Variants in PALM2AKAP2 observed in about 807,000 individuals in gnomAD.
PALM2AKAP2 encodes the protein PALM2 and AKAP2 fusion.
In PALM2AKAP2, 37 loss-of-function variants were observed where a neutral mutation model predicts 71.5. That is an observed-to-expected ratio of 0.52 (90% confidence interval 0.40 to 0.68). The LOEUF is 0.68. Among genes scored for constraint, PALM2AKAP2 ranks in the 30% least tolerant of loss-of-function variants. The pLI, the probability that PALM2AKAP2 is intolerant of heterozygous loss-of-function variation, is 0.00. For synonymous variants in PALM2AKAP2, 468 were observed against 478.8 expected, an observed-to-expected ratio of 0.98 and a Z score of 0.29; for missense variants, 1,224 against 1,191.8, an observed-to-expected ratio of 1.03 and a Z score of -0.40.
chr9:109,689,353 C>T (rs1421577725), intron 1 of PALM2AKAP2, among the ~76,000 whole-genome samples: 3 of 152,034 alleles, frequency 2.0e-5, no homozygotes, highest in Non-Finnish European at 2.9e-5. Context: ...CAGGCGCCCA[C>T]CATGCCCAGC....
chr9:110,162,017 G>A lies in PALM2AKAP2; in HGVS notation c.2748+5520G>A, dbSNP rs1374295044. 1.2e-5 allele frequency: 18 copies of A among 1,563,926 alleles called. No individual in the cohort carries two copies. The East Asian group carries it at 3.1e-4, about 27-fold the overall frequency. ...CCCTCCCATCCTCTTCTGGTGTGGT[G>A]CCTGTTCCCGGCTAGGGGGTGTTCT... On this transcript the variant is annotated intron_variant, in intron 3 of 3. Coordinates refer to ENST00000374525, the Ensembl canonical transcript of PALM2AKAP2.
chr9:110,089,873 T>C (rs59371645), intron 1 of PALM2AKAP2, among the ~76,000 whole-genome samples: 28,593 of 152,182 alleles, frequency 0.19, 3,782 homozygotes, highest in African/African-American at 0.37. Flanking sequence ...GAAGGTCACT[T>C]TCTGATGTTT....
intron 1 of PALM2AKAP2, among the ~76,000 whole-genome samples, chr9:109,771,578 G>C (rs147772364): frequency 6.6e-6 from 1 of 152,180 alleles, no homozygotes; most frequent in African/African-American, 2.4e-5. Context: ...GATGGACAGA[G>C]TCCCAGATGG....
intron 2 of PALM2AKAP2, 89 bp downstream of exon 2, chr9:109,867,660 G>T (rs1829490775): frequency 1.4e-6 from 2 of 1,440,920 alleles, no homozygotes; most frequent in African/African-American, 2.9e-5. Context: ...TGCCGTGAAG[G>T]CGCTGCCGCC....
chr9:110,131,253 G>A (rs540644731), intron 1 of PALM2AKAP2, among the ~76,000 whole-genome samples: 3 of 152,146 alleles, frequency 2.0e-5, no homozygotes, highest in Non-Finnish European at 4.4e-5. Context: ...GTGGTATTAG[G>A]GCTCTACCTG....
At chr9:109,700,584 C>A (rs2118579001) in intron 1 of PALM2AKAP2, among the ~76,000 whole-genome samples, 1 of 152,280 alleles carries the variant, frequency 6.6e-6, no homozygotes, top group African/African-American at 2.4e-5. Context: ...CTTCTGAATA[C>A]AACTGCCCCA....
chr9:109,675,371 A>T (rs750408251), intron 1 of PALM2AKAP2, among the ~76,000 whole-genome samples: 1 of 152,302 alleles, frequency 6.6e-6, no homozygotes, highest in Non-Finnish European at 1.5e-5. Flanking sequence ...TCTTCTGAAA[A>T]TATGTGTATA....
intron 6 of PALM2AKAP2, among the ~76,000 whole-genome samples, chr9:109,972,826 C>T (rs1443316934): frequency 6.6e-6 from 1 of 152,192 alleles, no homozygotes; most frequent in Non-Finnish European, 1.5e-5. Flanking sequence ...TGCACAATTG[C>T]AAGGATTAAA....
At chr9:109,831,901 CA>C (rs1828312204) in intron 1 of PALM2AKAP2, among the ~76,000 whole-genome samples, 1 of 152,074 alleles carries the variant, frequency 6.6e-6, no homozygotes, top group Non-Finnish European at 1.5e-5. Context: ...CTTGAGCTAT[CA>C]GTTAAATTTT....
In PALM2AKAP2 at chr9:109,967,446, G is replaced by C. The variant is rs564536679; in HGVS notation, c.496+35418G>C. The stretch of plus-strand genomic sequence containing the variant: ...TTTTTTTGAGACAGAGTTTCATTCT[G>C]TTGCCCAGGCTAGAGTGCAGTGGCA... On this transcript the variant is annotated intron_variant, in intron 6 of 9. Transcript: ENST00000302798. Among the ~76,000 whole-genome samples, 3 of 145,836 alleles carry C rather than the reference G, an allele frequency of 2.1e-5. No homozygotes were observed. In the East Asian group the frequency reaches 6.0e-4, roughly 29 times the overall value.
chr9:110,117,987 G>T (rs1457289013), intron 1 of PALM2AKAP2, among the ~76,000 whole-genome samples: 2 of 150,898 alleles, frequency 1.3e-5, no homozygotes, highest in Non-Finnish European at 3.0e-5. Flanking sequence ...GTGTGTGTGT[G>T]TGTGTGTGTG....
At position 110,002,379 on chromosome 9, in the gene PALM2AKAP2, G is replaced by A. The variant is rs541986805; in HGVS notation, c.497-13575G>A. 8.3e-3 allele frequency among the ~76,000 whole-genome samples: 1,261 copies of A among 151,828 alleles called. 13 individuals are homozygous for A. The highest frequency in any genetic ancestry group is 0.01 in the Non-Finnish European group (698 of 68,026). On this transcript the variant is annotated intron_variant, in intron 6 of 9. Coordinates refer to the PALM2AKAP2 transcript ENST00000302798. ...GGGATGAAGCCCACTTGATCATGGT[G>A]GATAAGCTTTTTGATATGCTGCTAG...
intron 7 of PALM2AKAP2, among the ~76,000 whole-genome samples, chr9:110,033,877 T>G (rs1248720114): frequency 6.6e-6 from 1 of 152,094 alleles, no homozygotes; most frequent in African/African-American, 2.4e-5. Flanking sequence ...ATCTAAAAGG[T>G]GTATTCTGTG....
chr9:109,937,823 A>G (rs575304581), intron 6 of PALM2AKAP2, among the ~76,000 whole-genome samples: 1 of 152,158 alleles, frequency 6.6e-6, no homozygotes, highest in Admixed American at 6.5e-5. Context: ...GTATGTTTCA[A>G]GATTTCTTTC....
At chr9:109,936,369 A>G (rs2132018006) in intron 6 of PALM2AKAP2, among the ~76,000 whole-genome samples, 1 of 152,248 alleles carries the variant, frequency 6.6e-6, no homozygotes, top group South Asian at 2.1e-4. Flanking sequence ...GTGCTTTCGG[A>G]TGAGAGGGAG....
chr9:109,768,865 A>C (rs1829207937), intron 1 of PALM2AKAP2, among the ~76,000 whole-genome samples: 1 of 152,232 alleles, frequency 6.6e-6, no homozygotes, highest in Admixed American at 6.5e-5. Flanking sequence ...CATGCCTATA[A>C]TCCTAGCACT....
chr9:109,821,356 AAATAAT>A (rs963299992), intron 1 of PALM2AKAP2, among the ~76,000 whole-genome samples: 2 of 152,172 alleles, frequency 1.3e-5, no homozygotes, highest in Admixed American at 1.3e-4. Flanking sequence ...AACAACAACA[AAATAAT>A]AATAATAATT....
chr9:109,978,632 G>A (rs1329115281), intron 6 of PALM2AKAP2, among the ~76,000 whole-genome samples: 1 of 152,114 alleles, frequency 6.6e-6, no homozygotes, highest in Non-Finnish European at 1.5e-5. Context: ...CCTCACTTTT[G>A]CAGGGTAATC....
chr9:110,019,832 T>G (rs1458042069), intron 7 of PALM2AKAP2, among the ~76,000 whole-genome samples: 1 of 152,188 alleles, frequency 6.6e-6, no homozygotes, highest in East Asian at 1.9e-4. Context: ...AAACTACCTA[T>G]TGGATACTAT....
Sources: gnomAD v4.1 joint callset for allele counts (sites outside exome capture counted in the v4.1 genomes callset) on GRCh38, gnomAD v4.1.1 for gene constraint, MANE v1.5 for transcripts, NCBI Gene and HGNC (gene_info 2026-07-23, HGNC 2026-07-21) for gene names.